SH3GL1: variants seen among roughly 807,000 people sequenced by gnomAD.
SH3GL1 encodes the protein SH3 domain containing GRB2 like 1, endophilin A2, also known as endophilin-A2.
Under a neutral mutation model 48.8 loss-of-function variants are expected in SH3GL1, and 21 were observed. That is an observed-to-expected ratio of 0.43 (90% CI 0.30 to 0.62). SH3GL1 has a LOEUF of 0.62. Ranked by LOEUF, SH3GL1 falls within the 20% of genes least tolerant of loss-of-function variation. The probability of loss-of-function intolerance (pLI) is 0.11; values close to 1 mark genes in which losing one functional copy is unlikely to be tolerated. For missense variants in SH3GL1, 454 were observed against 503.0 expected, an observed-to-expected ratio of 0.90 and a Z score of 0.93; for synonymous variants, 282 against 217.5, an observed-to-expected ratio of 1.30 and a Z score of -2.61.
intron 1 of SH3GL1, among the ~76,000 whole-genome samples, chr19:4,386,362 G>A (rs374828962): frequency 8.5e-5 from 13 of 152,264 alleles, no homozygotes; most frequent in African/African-American, 2.9e-4. Context: ...GCAAAGTCCC[G>A]AAATGACAGC....
intron 4 of SH3GL1, 120 bp downstream of exon 4, chr19:4,365,362 G>C: frequency 7.4e-7 from 1 of 1,353,868 alleles, no homozygotes; most frequent in South Asian, 1.2e-5. Flanking sequence ...CAGCTGGAAA[G>C]CTGTGGGGGC....
At chr19:4,386,502 T>C (rs1413230888) in intron 1 of SH3GL1, among the ~76,000 whole-genome samples, 1 of 128,318 alleles carries the variant, frequency 7.8e-6, no homozygotes, top group African/African-American at 3.4e-5. Context: ...TCTTTTTCAC[T>C]TTTTTTTTTT....
At chr19:4,397,535 A>C (rs1973447215) in intron 1 of SH3GL1, among the ~76,000 whole-genome samples, 1 of 152,182 alleles carries the variant, frequency 6.6e-6, no homozygotes, top group East Asian at 1.9e-4. Context: ...TGGCTTCCAG[A>C]GACCTGTCTA....
Position 4,360,942 on chromosome 19 carries a change from C to A in SH3GL1, c.*658G>T. 4.3e-6 allele frequency: 1 copy of A among 233,458 alleles called. No individual in the cohort carries two copies. Among genetic ancestry groups the A allele is most frequent in the Non-Finnish European group, 8.5e-6 (1 of 118,186 alleles). 14.5% of individuals were successfully genotyped at this position (233,458 alleles called of 1,614,324 possible). A position where few individuals can be genotyped will look rare whatever the true frequency, so the allele number is the denominator to read the frequency against. On this transcript the variant is annotated 3_prime_UTR_variant, in exon 10 of 10. Transcript: ENST00000269886. ...TGGGAGGCAGGGCCCTGCAGGAGAC[C>A]ATGTTCTCTGTCCTCAGGCAGATCC...
At chr19:4,371,509 G>C (rs1219697523) in intron 1 of SH3GL1, among the ~76,000 whole-genome samples, 1 of 152,256 alleles carries the variant, frequency 6.6e-6, no homozygotes, top group Non-Finnish European at 1.5e-5. Flanking sequence ...TCTCGGGCTT[G>C]GTGCCCCAGC....
chr19:4,363,326 G>A (rs372200064), intron 7 of SH3GL1, 44 bp downstream of exon 7: 27 of 1,436,252 alleles, frequency 1.9e-5, no homozygotes, highest in Middle Eastern at 2.1e-4. Context: ...GGCAGAGGGC[G>A]CATGGCAGCC....
rs1972700237 is a variant in SH3GL1 at position 4,363,970 on chromosome 19, TC to T, written c.466-93del. 5.0e-6 allele frequency: 8 copies of T among 1,604,176 alleles called. No individual in the cohort carries two copies. The Admixed American group carries it at 8.4e-5, about 17-fold the overall frequency. Reference sequence around the variant, plus strand: ...CCCACTGTCCCTGCACCACTGGGGATCCTGCCTGCCTGAGACCCAGAGGGCA... The same window carrying T: ...CCCACTGTCCCTGCACCACTGGGGATCTGCCTGCCTGAGACCCAGAGGGCA... On this transcript the variant is annotated intron_variant, in intron 5 of 9. Transcript: ENST00000269886.
rs1324629368 is a variant in SH3GL1 at position 4,389,020 on chromosome 19, T to C, written c.45+11304A>G. 1.3e-5 allele frequency among the ~76,000 whole-genome samples: 2 copies of C among 152,112 alleles called. No homozygotes were observed. On this transcript the variant is annotated intron_variant, in intron 1 of 9. Transcript: ENST00000269886. This position sits in a 1 kb window ranked among gnomAD's most constrained non-coding sequence, Gnocchi z 4.5. ...TCCCTGGTGCTGTGACACGGCCTGG[T>C]CAGATGCCTGGCCAGCGGACCAGGG...
chr19:4,384,258 G>T (rs1973192871), intron 1 of SH3GL1, among the ~76,000 whole-genome samples: 1 of 152,184 alleles, frequency 6.6e-6, no homozygotes, highest in African/African-American at 2.4e-5. Flanking sequence ...AGTTCATCCC[G>T]CTCCGGACCA....
intron 4 of SH3GL1, among the ~76,000 whole-genome samples, chr19:4,364,866 T>TTGTG (rs373324973): frequency 0.12 from 11,698 of 96,442 alleles, 894 homozygotes; most frequent in East Asian, 0.22. Context: ...ACCCGGCTAA[T>TTGTG]TGTGTGTGTG....
chr19:4,363,268 C>T, intron 7 of SH3GL1, 102 bp downstream of exon 7: 1 of 891,332 alleles, frequency 1.1e-6, no homozygotes, highest in Non-Finnish European at 1.8e-6. Context: ...CAGGATGCTG[C>T]TCTGCCATGT....
At position 4,397,687 on chromosome 19, in the gene SH3GL1, C is replaced by T. The variant is rs541891080; in HGVS notation, c.45+2637G>A. 4.1e-4 allele frequency among the ~76,000 whole-genome samples: 63 copies of T among 152,236 alleles called. 1 individual carries two copies. The highest frequency in any genetic ancestry group is 8.4e-4 in the Non-Finnish European group (57 of 68,006). Reference sequence around the variant, plus strand: ...GGCAAGGTCTAACCCAGGGCCAGGCCATCTGATTTCAAAGTGCTGGGGCAA... The same window carrying T: ...GGCAAGGTCTAACCCAGGGCCAGGCTATCTGATTTCAAAGTGCTGGGGCAA... On this transcript the variant is annotated intron_variant, in intron 1 of 9. Transcript: ENST00000269886.
chr19:4,363,585 T>G, intron 6 of SH3GL1, 112 bp from the exon 7 acceptor site: 1 of 1,451,474 alleles, frequency 6.9e-7, no homozygotes, highest in Non-Finnish European at 9.6e-7. Flanking sequence ...GACAGGGGAC[T>G]GGGGCCCATA....
At chr19:4,370,134 G>A (rs909235988) in intron 1 of SH3GL1, among the ~76,000 whole-genome samples, 3 of 152,238 alleles carry the variant, frequency 2.0e-5, no homozygotes, top group Admixed American at 2.0e-4. Flanking sequence ...GCTGTCAGGA[G>A]CGAGTGTTCC....
At chr19:4,373,612 C>G (rs1599602716) in intron 1 of SH3GL1, among the ~76,000 whole-genome samples, 1 of 152,332 alleles carries the variant, frequency 6.6e-6, no homozygotes, top group African/African-American at 2.4e-5. Flanking sequence ...CTCTGGGAAC[C>G]AAGCTCTGGC....
intron 1 of SH3GL1, among the ~76,000 whole-genome samples, chr19:4,368,878 TGGCTAACACA>T (rs747389690): frequency 1.1e-4 from 17 of 152,268 alleles, no homozygotes; most frequent in Non-Finnish European, 2.2e-4. Context: ...GAGACCATCC[TGGCTAACACA>T]GTGAAACCCC....
chr19:4,361,912 C>A, intron 9 of SH3GL1, 116 bp from the exon 10 acceptor site: 1 of 724,540 alleles, frequency 1.4e-6, no homozygotes. Flanking sequence ...TCCCCTCTGC[C>A]CTGCCTGGGC....
chr19:4,361,697 T>C lies in SH3GL1; in HGVS notation c.1010A>G (p.Asn337Ser). 2.5e-6 allele frequency: 4 copies of C among 1,613,238 alleles called. No individual in the cohort carries two copies. The highest frequency in any genetic ancestry group is 3.4e-6 in the Non-Finnish European group (4 of 1,179,814). The change falls in exon 10 of 10, where the codon AAC becomes AGC. Residue 337 changes from asparagine (N) to serine (S), a missense_variant. Around this residue, in one of 2 missense-constraint regions of SH3GL1, gnomAD observed 278 missense variants for 246.8 expected, o/e 1.13. Coordinates refer to ENST00000269886, the MANE Select transcript of SH3GL1 (RefSeq NM_003025.4). ...CTCGTACCAGTTCTCATCGATCTGG[T>C]TGGTCAGCGTGATGACGTCGCCCTC... The part of the protein sequence containing the change: ...FHEGDVITLT[N>S]QIDENWYEGM...
intron 1 of SH3GL1, among the ~76,000 whole-genome samples, chr19:4,373,945 G>C (rs1265182886): frequency 6.6e-6 from 1 of 152,250 alleles, no homozygotes; most frequent in Non-Finnish European, 1.5e-5. Context: ...CAACTGTGGT[G>C]CTGGCCATTC....
Sources: allele counts gnomAD v4.1 joint callset (sites outside exome capture counted in the v4.1 genomes callset), GRCh38; gene constraint gnomAD v4.1.1; regional missense constraint gnomAD v4.1.1; non-coding constraint Gnocchi (gnomAD v3.1); transcripts MANE v1.5; gene names NCBI Gene and HGNC (gene_info 2026-07-23, HGNC 2026-07-21).